The following ATP1A4 variants were observed in gnomAD, a reference collection of about 807,000 sequenced individuals.
ATP1A4 encodes the protein sodium/potassium-transporting ATPase subunit alpha-4.
In ATP1A4, 90 loss-of-function variants were observed where a neutral mutation model predicts 114.3. The ratio of observed to expected loss-of-function variants is 0.79; its 90% CI spans 0.66 to 0.94. The LOEUF is 0.94. Ranked by LOEUF, ATP1A4 falls within the 40% of genes least tolerant of loss-of-function variation. ATP1A4 has a pLI of 0.00. For missense variants in ATP1A4, 1,222 were observed against 1,313.6 expected (o/e 0.93, Z 1.08); for synonymous variants, 511 against 494.1 (o/e 1.03, Z -0.45).
intron 4 of ATP1A4, among the ~76,000 whole-genome samples, chr1:160,156,857 A>G (rs1435799926): frequency 4.6e-5 from 7 of 152,192 alleles, no homozygotes; most frequent in Non-Finnish European, 7.3e-5. Flanking sequence ...TCCCACCTGT[A>G]ATCCCAACCG....
intron 17 of ATP1A4, chr1:160,177,315 C>A: frequency 1.9e-6 from 1 of 533,404 alleles, no homozygotes. Context: ...AGTTTAGAAA[C>A]AAATGTCAGG....
intron 6 of ATP1A4, among the ~76,000 whole-genome samples, chr1:160,162,783 G>C (rs965840668): frequency 6.6e-6 from 1 of 152,142 alleles, no homozygotes; most frequent in Admixed American, 6.5e-5. Flanking sequence ...TTGGAACATA[G>C]GGCTCTACCA....
At position 160,186,908 on chromosome 1, in the gene ATP1A4, C is replaced by T. The variant is rs1417991650; in HGVS notation, c.*209C>T. 3.6e-5 allele frequency: 23 copies of T among 630,634 alleles called. No individual in the cohort carries two copies. The highest frequency in any genetic ancestry group is 8.4e-5 in the East Asian group (3 of 35,756). 39.1% of individuals were successfully genotyped at this position (630,634 alleles called of 1,614,324 possible). A position where few individuals can be genotyped will look rare whatever the true frequency, so the allele number is the denominator to read the frequency against. ...CCCAGCCTGCATCTAGCTGGAGCCC[C>T]GCAGGGAGGGGCATGGTCCTGCTGA... is the stretch of plus-strand genomic sequence containing the variant. On this transcript the variant is annotated 3_prime_UTR_variant, in exon 22 of 22. Coordinates refer to ENST00000368081, the MANE Select transcript of ATP1A4 (RefSeq NM_144699.4).
chr1:160,167,681 T>C (rs1653093893), intron 10 of ATP1A4, among the ~76,000 whole-genome samples: 1 of 152,228 alleles, frequency 6.6e-6, no homozygotes, highest in African/African-American at 2.4e-5. Context: ...CATAAAATCC[T>C]CTCTGAAATG....
chr1:160,161,436 G>T (rs1419461536), intron 6 of ATP1A4, among the ~76,000 whole-genome samples: 1 of 152,182 alleles, frequency 6.6e-6, no homozygotes, highest in Admixed American at 6.5e-5. Context: ...GGCCTGGGGT[G>T]CTGGATGCTT....
In ATP1A4 at chr1:160,156,191, A is replaced by G. The variant is rs773555548; in HGVS notation, c.525+33A>G. 7.6e-6 allele frequency: 11 copies of G among 1,439,252 alleles called. No individual in the cohort carries two copies. In the African/African-American group the frequency reaches 1.5e-4, roughly 20 times the overall value. The allele number at this position is 1,439,252 out of a possible 1,614,324, so 89.2% of individuals were successfully genotyped here. A position where few individuals can be genotyped will look rare whatever the true frequency, so the allele number is the denominator to read the frequency against. ...TGGAGTGGGAGGATCTAGTGGGAGC[A>G]GGAGCAGGATGTGGCCAAATACACA... On this transcript the variant is annotated intron_variant, in intron 4 of 21. Transcript: ENST00000368081.
At chr1:160,161,690 T>C (rs942516766) in intron 6 of ATP1A4, among the ~76,000 whole-genome samples, 3 of 152,172 alleles carry the variant, frequency 2.0e-5, no homozygotes, top group African/African-American at 7.2e-5. Flanking sequence ...GCATCTTCAT[T>C]CCATAGGACC....
Position 160,167,366 on chromosome 1 carries a change from A to C in ATP1A4, c.1445A>C (p.Asn482Thr). 6.2e-7 allele frequency: 1 copy of C among 1,611,760 alleles called. No individual in the cohort carries two copies. The highest frequency in any genetic ancestry group is 8.5e-7 in the Non-Finnish European group (1 of 1,179,472). The stretch of plus-strand genomic sequence containing the variant: ...TCTGTGGCGGAGATGAGAGAGAAAA[A>C]CCCCAAGGTGGCAGAGATTCCCTTT... ...YSSVAEMREKNPKVAEIPFNS... is the reference protein window; with the variant it reads ...YSSVAEMREKTPKVAEIPFNS... Residue 482 changes from asparagine to threonine, a missense_variant, in exon 10 of 22, where the codon AAC becomes ACC. Coordinates refer to ENST00000368081, the MANE Select transcript of ATP1A4 (RefSeq NM_144699.4).
At chr1:160,186,194 G>A in intron 20 of ATP1A4, 82 bp from the exon 21 acceptor site, 1 of 888,262 alleles carries the variant, frequency 1.1e-6, no homozygotes, top group Admixed American at 1.8e-5. Context: ...AATGAAACGT[G>A]CAATTCCTGT....
chr1:160,166,082 C>T (rs1335483588), intron 7 of ATP1A4, among the ~76,000 whole-genome samples: 2 of 152,216 alleles, frequency 1.3e-5, no homozygotes, highest in East Asian at 3.9e-4. Context: ...CCAGCCTGGC[C>T]AACATGGTGA....
rs143581044 is a variant in ATP1A4, at chr1:160,153,358, C to T, written c.207+134C>T. 7 of 717,558 alleles carry T rather than the reference C, an allele frequency of 9.8e-6. No individual in the cohort carries two copies. The African/African-American group carries it at 1.2e-4, about 13-fold the overall frequency. The allele number at this position is 717,558 out of a possible 1,614,324, so 44.4% of individuals were successfully genotyped here. A position where few individuals can be genotyped will look rare whatever the true frequency, so the allele number is the denominator to read the frequency against. ...TCCCACCCCTCACCCTCTGCCTGGC[C>T]ACGTTCCATGGACACTACCTGGAAA... On this transcript the variant is annotated intron_variant, in intron 2 of 21. Coordinates refer to ENST00000368081, the MANE Select transcript of ATP1A4 (RefSeq NM_144699.4).
chr1:160,182,477 A>C (rs1301954703), intron 20 of ATP1A4, among the ~76,000 whole-genome samples: 2 of 152,040 alleles, frequency 1.3e-5, no homozygotes, highest in Non-Finnish European at 2.9e-5. Context: ...GTCTTGTTCA[A>C]CTCCAGGTTT....
At position 160,155,025 on chromosome 1, in the gene ATP1A4, C is replaced by T; in HGVS notation, c.208-20C>T. On this transcript the variant is annotated intron_variant, in intron 2 of 21. Coordinates refer to ENST00000368081, the MANE Select transcript of ATP1A4 (RefSeq NM_144699.4). ...CTCTTTTCACAGCTCTCTATCCAAC[C>T]CTATTTCTTCTCTGCACAGGGCCAT... The T allele has an allele frequency of 6.2e-7, 1 of 1,610,076 alleles. No homozygotes were observed. The highest frequency in any genetic ancestry group is 8.5e-7 in the Non-Finnish European group (1 of 1,177,250).
intron 6 of ATP1A4, among the ~76,000 whole-genome samples, chr1:160,163,711 G>T (rs1416905434): frequency 6.6e-6 from 1 of 152,062 alleles, no homozygotes; most frequent in Non-Finnish European, 1.5e-5. Flanking sequence ...CATTACATAG[G>T]TATAATCGGT....
rs61734685 is a variant in ATP1A4, at chr1:160,182,015, C to T, written c.2953C>T (p.Arg985Ter). ...SYTPGMDVAL[R>*]MYPLKITWWL... ...CACTCCAGGCATGGACGTGGCCCTG[C>T]GAATGTACCCACTCAAGTGAGTAAG... is the stretch of plus-strand genomic sequence containing the variant. Residue 985 changes from arginine to a stop codon, truncating the protein, a stop_gained, in exon 20 of 22, where the codon CGA becomes TGA. Transcript: ENST00000368081. LOFTEE classifies it high-confidence loss of function. 4.9e-5 allele frequency: 79 copies of T among 1,613,798 alleles called. No homozygotes were observed. Among genetic ancestry groups the T allele is most frequent in the Middle Eastern group, 1.7e-4 (1 of 6,060 alleles).
At chr1:160,170,009 G>C (rs1653187843) in intron 10 of ATP1A4, 1 of 152,262 alleles carries the variant, frequency 6.6e-6, no homozygotes, top group African/African-American at 2.4e-5. Context: ...CCAATGAAGG[G>C]CCAGGTGTGT....
At chr1:160,170,991 G>A (rs572821482) in intron 10 of ATP1A4, 4 of 353,712 alleles carry the variant, frequency 1.1e-5, no homozygotes, top group South Asian at 9.9e-5. Context: ...AAAAGTGAGA[G>A]TGCCTGGTTC....
rs74123260 is a variant in ATP1A4 at position 160,151,653 on chromosome 1, T to G, written c.-388T>G. 2,464 of 164,476 alleles carry G rather than the reference T, an allele frequency of 0.015. 84 individuals are homozygous for G. Among genetic ancestry groups the G allele is most frequent in the African/African-American group, 0.055 (2,316 of 41,934 alleles). The allele number at this position is 164,476 out of a possible 1,614,324, so 10.2% of individuals were successfully genotyped here. A position where few individuals can be genotyped will look rare whatever the true frequency, so the allele number is the denominator to read the frequency against. ...CTCACTCTCACTGCATTTCCCACCTTCCTGTGGGCCTTGCGGCATCTTCAT... is the reference window on the plus strand; with the variant it reads ...CTCACTCTCACTGCATTTCCCACCTGCCTGTGGGCCTTGCGGCATCTTCAT... On this transcript the variant is annotated 5_prime_UTR_variant, in exon 1 of 22. Coordinates refer to ENST00000368081, the MANE Select transcript of ATP1A4 (RefSeq NM_144699.4).
intron 7 of ATP1A4, 65 bp downstream of exon 7, chr1:160,164,489 A>C (rs1279160039): frequency 4.5e-6 from 7 of 1,552,434 alleles, no homozygotes; most frequent in Non-Finnish European, 6.2e-6. Context: ...AGGGATCACT[A>C]GCGTCTCTTT....
Sources: allele counts gnomAD v4.1 joint callset (sites outside exome capture counted in the v4.1 genomes callset), GRCh38; gene constraint gnomAD v4.1.1; transcripts MANE v1.5; gene names NCBI Gene and HGNC (gene_info 2026-07-23, HGNC 2026-07-21).